Variants in SIKE1 observed in about 807,000 individuals in gnomAD.
SIKE1 encodes the protein suppressor of IKBKE 1.
A neutral mutation model predicts 25.8 loss-of-function variants in SIKE1; 13 were observed. That is an observed-to-expected ratio of 0.50 (90% CI 0.33 to 0.80). The LOEUF is 0.80. Among genes scored for constraint, SIKE1 ranks in the 30% least tolerant of loss-of-function variants. The pLI is 0.02. For synonymous variants in SIKE1, 86 were observed against 95.5 expected, an observed-to-expected ratio of 0.90 and a Z score of 0.58; for missense variants, 222 against 252.4, an observed-to-expected ratio of 0.88 and a Z score of 0.82.
intron 4 of SIKE1, among the ~76,000 whole-genome samples, chr1:114,775,946 C>T (rs1481490801): frequency 6.6e-6 from 1 of 152,166 alleles, no homozygotes; most frequent in Non-Finnish European, 1.5e-5. Context: ...ACTTTTAACA[C>T]TTTTATCTAT....
rs2101130236 is a variant in SIKE1, at chr1:114,776,466, A to AG, written c.409-8dup. ...CAATCTGACTCTCAATTTCCTGTGA[A>AG]GATATTAAGGAAACAAAGGTGGAAA... On this transcript the variant is annotated splice_region_variant and splice_polypyrimidine_tract_variant and intron_variant, in intron 3 of 4. Transcript: ENST00000060969. The AG allele has an allele frequency of 6.3e-7, 1 of 1,577,398 alleles. No homozygotes were observed. Among genetic ancestry groups the AG allele is most frequent in the South Asian group, 1.1e-5 (1 of 90,282 alleles).
chr1:114,780,567 G>A lies in SIKE1; in HGVS notation c.41C>T (p.Thr14Met), dbSNP rs775214261. ...TIEKILTDAK[T>M]LLERLREHDA... ...GTGCTCCCGTAGCCTCTCCAGCAGCGTCTTGGCGTCTGTCAGGATCTTCTC... is the reference window on the plus strand; with the variant it reads ...GTGCTCCCGTAGCCTCTCCAGCAGCATCTTGGCGTCTGTCAGGATCTTCTC... The change falls in exon 1 of 5, where the codon ACG (threonine) becomes ATG (methionine). Residue 14 changes from threonine to methionine, a missense_variant. Physicochemically the swap from Thr to Met is moderately conservative, Grantham distance 81. Coordinates refer to ENST00000060969, the MANE Select transcript of SIKE1 (RefSeq NM_025073.3). 1.2e-6 allele frequency: 2 copies of A among 1,613,970 alleles called. No homozygotes were observed. The highest frequency in any genetic ancestry group is 1.7e-5 in the Admixed American group (1 of 60,020).
rs944979752 is a variant in SIKE1 at position 114,774,002 on chromosome 1, C to T, written c.*269G>A. On this transcript the variant is annotated 3_prime_UTR_variant, in exon 5 of 5. Coordinates refer to ENST00000060969, the MANE Select transcript of SIKE1 (RefSeq NM_025073.3). ...GTGAAAAATAACAAAGAACTGAAAA[C>T]ATAGTTTATATAAATCAAGGTCCCA... 1 of 266,826 alleles carries T rather than the reference C, an allele frequency of 3.7e-6. No homozygotes were observed. Among genetic ancestry groups the T allele is most frequent in the Admixed American group, 5.2e-5 (1 of 19,392 alleles). 16.5% of individuals were successfully genotyped at this position (266,826 alleles called of 1,614,324 possible).
chr1:114,776,126 T>C (rs921064593), intron 4 of SIKE1, among the ~76,000 whole-genome samples: 5 of 152,208 alleles, frequency 3.3e-5, no homozygotes, highest in Admixed American at 2.0e-4. Context: ...TGATAATACC[T>C]CAAGTTCTTG....
At position 114,775,175 on chromosome 1, in the gene SIKE1, A is replaced by G. The variant is rs72996445; in HGVS notation, c.523-803T>C. The stretch of plus-strand genomic sequence containing the variant: ...ACTACCTTTGATTTCTAGAGAGGGT[A>G]GCTTCTGCTCTTCATCCTTATCCTC... On this transcript the variant is annotated intron_variant, in intron 4 of 4. Coordinates refer to ENST00000060969, the MANE Select transcript of SIKE1 (RefSeq NM_025073.3). Among the ~76,000 whole-genome samples, 1,213 of 152,284 alleles carry G rather than the reference A, an allele frequency of 8.0e-3. 8 individuals are homozygous for G. Among genetic ancestry groups the G allele is most frequent in the African/African-American group, 0.027 (1,140 of 41,548 alleles).
rs538827966 is a variant in SIKE1, at chr1:114,775,285, C to A, written c.523-913G>T. 8.5e-5 allele frequency among the ~76,000 whole-genome samples: 13 copies of A among 152,240 alleles called. No homozygotes were observed. In the East Asian group the frequency reaches 2.3e-3, roughly 27 times the overall value. On this transcript the variant is annotated intron_variant, in intron 4 of 4. Transcript: ENST00000060969. The stretch of plus-strand genomic sequence containing the variant: ...AGCTAGAGTAACTAAGAGATTAGAG[C>A]CTGTGGTCGACGAATCTTCTACCAC...
In SIKE1 at chr1:114,780,615, G is replaced by A; in HGVS notation, c.-8C>T. On this transcript the variant is annotated 5_prime_UTR_variant, in exon 1 of 5. Transcript: ENST00000060969. ...CTCGATGGTGCAGCTCATAGCAGCA[G>A]CACCACCCCAGCCCCTGCCGGGCTC... is the stretch of plus-strand genomic sequence containing the variant. The A allele has an allele frequency of 6.2e-7, 1 of 1,604,570 alleles. No homozygotes were observed. The highest frequency in any genetic ancestry group is 2.2e-5 in the East Asian group (1 of 44,618).
Position 114,771,455 on chromosome 1 carries a change from G to C in SIKE1, c.*2816C>G, listed in dbSNP as rs1662067937. 1 of 152,142 alleles carries C rather than the reference G, an allele frequency of 6.6e-6. No homozygotes were observed. Among genetic ancestry groups the C allele is most frequent in the Non-Finnish European group, 1.5e-5 (1 of 68,018 alleles). The allele number at this position is 152,142 out of a possible 1,614,324, so 9.4% of individuals were successfully genotyped here. A position where few individuals can be genotyped will look rare whatever the true frequency, so the allele number is the denominator to read the frequency against. On this transcript the variant is annotated 3_prime_UTR_variant, in exon 5 of 5. Transcript: ENST00000060969. ...AAGACTCTGTCTGGGTTTGAATCTT[G>C]GTTCCAGTTTGGACAAATAACCACC...
chr1:114,780,005 C>T, intron 2 of SIKE1, 105 bp downstream of exon 2: 1 of 762,284 alleles, frequency 1.3e-6, no homozygotes, highest in Non-Finnish European at 2.2e-6. Flanking sequence ...GAGGACTCTC[C>T]TACTAAAAGT....
rs766940602 is a variant in SIKE1 at position 114,780,652 on chromosome 1, T to A, written c.-45A>T. The A allele has an allele frequency of 6.0e-6, 9 of 1,499,978 alleles. No homozygotes were observed. The African/African-American group carries it at 1.2e-4, about 21-fold the overall frequency. 92.9% of individuals were successfully genotyped at this position (1,499,978 alleles called of 1,614,324 possible). A position where few individuals can be genotyped will look rare whatever the true frequency, so the allele number is the denominator to read the frequency against. The stretch of plus-strand genomic sequence containing the variant: ...CCCCTGCCGGGCTCAGCTACGCGAC[T>A]CGCTCAGATCTTCTGGGAGTCTGTC... On this transcript the variant is annotated 5_prime_UTR_variant, in exon 1 of 5. Coordinates refer to ENST00000060969, the MANE Select transcript of SIKE1 (RefSeq NM_025073.3).
rs1662024194 is a variant in SIKE1, at chr1:114,770,076, G to T, written c.*4195C>A. The T allele has an allele frequency of 6.6e-6, 1 of 152,164 alleles. No individual in the cohort carries two copies. The highest frequency in any genetic ancestry group is 1.5e-5 in the Non-Finnish European group (1 of 68,038). The allele number at this position is 152,164 out of a possible 1,614,324, so 9.4% of individuals were successfully genotyped here. The stretch of plus-strand genomic sequence containing the variant: ...ATGATTTTATTAAAAGTAATTCTCA[G>T]GATCTCTAGGACAGCCAGCAAACAA... On this transcript the variant is annotated 3_prime_UTR_variant, in exon 5 of 5. Coordinates refer to ENST00000060969, the MANE Select transcript of SIKE1 (RefSeq NM_025073.3).
At position 114,770,841 on chromosome 1, in the gene SIKE1, T is replaced by C. The variant is rs1662049288; in HGVS notation, c.*3430A>G. On this transcript the variant is annotated 3_prime_UTR_variant, in exon 5 of 5. Transcript: ENST00000060969. Reference sequence around the variant, plus strand: ...GACATGTCACAGTCACAGACACTGTTAATTGCTTTCTCAATATTCTTTCTT... The same window carrying C: ...GACATGTCACAGTCACAGACACTGTCAATTGCTTTCTCAATATTCTTTCTT... The C allele has an allele frequency of 6.6e-6, 1 of 152,268 alleles. No homozygotes were observed. The highest frequency in any genetic ancestry group is 2.4e-5 in the African/African-American group (1 of 41,470). The allele number at this position is 152,268 out of a possible 1,614,324, so 9.4% of individuals were successfully genotyped here.
chr1:114,780,666 T>G lies in SIKE1; in HGVS notation c.-59A>C, dbSNP rs1662386977. The G allele has an allele frequency of 3.5e-6, 5 of 1,447,204 alleles. No individual in the cohort carries two copies. In the South Asian group the frequency reaches 6.2e-5, roughly 18 times the overall value. The allele number at this position is 1,447,204 out of a possible 1,614,324, so 89.6% of individuals were successfully genotyped here. On this transcript the variant is annotated 5_prime_UTR_variant, in exon 1 of 5. Coordinates refer to ENST00000060969, the MANE Select transcript of SIKE1 (RefSeq NM_025073.3). ...AGCTACGCGACTCGCTCAGATCTTC[T>G]GGGAGTCTGTCTCAGCATTACAGGC...
chr1:114,777,185 G>A (rs1662268055), intron 3 of SIKE1, among the ~76,000 whole-genome samples: 1 of 152,030 alleles, frequency 6.6e-6, no homozygotes, highest in African/African-American at 2.4e-5. Context: ...CACCATCATG[G>A]CACATGTATA....
At position 114,769,689 on chromosome 1, in the gene SIKE1, TATAAA is replaced by T. The variant is rs1404752268; in HGVS notation, c.*4577_*4581del. The T allele has an allele frequency of 6.6e-6, 1 of 152,050 alleles. No individual in the cohort carries two copies. Among genetic ancestry groups the T allele is most frequent in the Non-Finnish European group, 1.5e-5 (1 of 68,000 alleles). 9.4% of individuals were successfully genotyped at this position (152,050 alleles called of 1,614,324 possible). On this transcript the variant is annotated 3_prime_UTR_variant, in exon 5 of 5. Transcript: ENST00000060969. Reference sequence around the variant, plus strand: ...TTTGAAGTTCAAAAAGAAAGAAAACTATAAAATAAGTCACTTTAGGGATACATATG... The same window carrying T: ...TTTGAAGTTCAAAAAGAAAGAAAACTATAAGTCACTTTAGGGATACATATG...
In SIKE1 at chr1:114,771,138, T is replaced by C. The variant is rs1306178816; in HGVS notation, c.*3133A>G. 1 of 152,244 alleles carries C rather than the reference T, an allele frequency of 6.6e-6. No individual in the cohort carries two copies. The highest frequency in any genetic ancestry group is 6.5e-5 in the Admixed American group (1 of 15,284). 9.4% of individuals were successfully genotyped at this position (152,244 alleles called of 1,614,324 possible). ...ACAGCATGAGGGATGTAAGCCAATA[T>C]GGTAAGGAGGCAGATTTGAAAGACA... is the stretch of plus-strand genomic sequence containing the variant. On this transcript the variant is annotated 3_prime_UTR_variant, in exon 5 of 5. Coordinates refer to ENST00000060969, the MANE Select transcript of SIKE1 (RefSeq NM_025073.3).
rs1662020815 is a variant in SIKE1, at chr1:114,769,955, T to G, written c.*4316A>C. On this transcript the variant is annotated 3_prime_UTR_variant, in exon 5 of 5. Transcript: ENST00000060969. ...ATTATGTATAAAGTGTTGATAAAAT[T>G]TATATCTGCATGGCTGTTCCTAAAA... is the stretch of plus-strand genomic sequence containing the variant. 1 of 152,238 alleles carries G rather than the reference T, an allele frequency of 6.6e-6. No individual in the cohort carries two copies. Among genetic ancestry groups the G allele is most frequent in the Non-Finnish European group, 1.5e-5 (1 of 68,042 alleles). The allele number at this position is 152,238 out of a possible 1,614,324, so 9.4% of individuals were successfully genotyped here. A position where few individuals can be genotyped will look rare whatever the true frequency, so the allele number is the denominator to read the frequency against.
rs1662373798 is a variant in SIKE1 at position 114,780,495 on chromosome 1, C to G, written c.113G>C (p.Arg38Pro). 1.2e-6 allele frequency: 2 copies of G among 1,613,516 alleles called. No homozygotes were observed. The highest frequency in any genetic ancestry group is 1.7e-6 in the Non-Finnish European group (2 of 1,180,026). ...CGCCTCCCGCATAGCTGCTACCCGC[C>G]GGTGCAGCGCCGCCGACTGATCCAC... ...SLVDQSAALH[R>P]RVAAMREAGT... The change falls in exon 1 of 5, where the codon CGG (arginine) becomes CCG (proline). Residue 38 changes from arginine to proline, a missense_variant. Arg to Pro is a moderately radical substitution (Grantham distance 103, BLOSUM62 -2). Transcript: ENST00000060969.
intron 3 of SIKE1, among the ~76,000 whole-genome samples, chr1:114,777,279 G>A (rs1662272172): frequency 6.6e-6 from 1 of 152,120 alleles, no homozygotes; most frequent in Non-Finnish European, 1.5e-5. Context: ...TCCTTAAGGG[G>A]ATCCTCATTC....
Sources: gnomAD v4.1 joint callset for allele counts (sites outside exome capture counted in the v4.1 genomes callset) on GRCh38, gnomAD v4.1.1 for gene constraint, MANE v1.5 for transcripts, NCBI Gene and HGNC (gene_info 2026-07-23, HGNC 2026-07-21) for gene names.